Variants in PRKG1 observed in about 807,000 individuals in gnomAD.
PRKG1 encodes the protein cGMP-dependent protein kinase 1.
A neutral mutation model predicts 88.1 loss-of-function variants in PRKG1; 35 were observed. That is an observed-to-expected ratio of 0.40 (90% CI 0.30 to 0.53). The LOEUF (loss-of-function observed/expected upper bound fraction) is 0.53. Ranked by LOEUF, PRKG1 falls within the 20% of genes least tolerant of loss-of-function variation. The pLI is 0.59. For synonymous variants in PRKG1, 303 were observed against 292.5 expected (o/e 1.04, Z -0.37); for missense variants, 540 against 839.8 (o/e 0.64, Z 4.41).
At chr10:51,370,510 G>A (rs10997201) in intron 2 of PRKG1, among the ~76,000 whole-genome samples, 3,777 of 91,778 alleles carry the variant, frequency 0.041, 55 homozygotes, top group South Asian at 0.072. Flanking sequence ...GTGTGTGTGT[G>A]TATGTGTGTG....
intron 3 of PRKG1, among the ~76,000 whole-genome samples, chr10:51,689,073 CCTT>C (rs1300607340): frequency 6.6e-6 from 1 of 152,176 alleles, no homozygotes; most frequent in African/African-American, 2.4e-5. Context: ...ACTTGCTCCT[CCTT>C]GCATTCCGCC....
At chr10:52,244,977 T>TA (rs1001347015) in intron 9 of PRKG1, among the ~76,000 whole-genome samples, 1 of 146,078 alleles carries the variant, frequency 6.8e-6, no homozygotes, top group East Asian at 2.0e-4. Flanking sequence ...TTAAAAATAT[T>TA]AAAAATATAA....
chr10:51,743,849 A>T (rs1015444789), intron 3 of PRKG1, among the ~76,000 whole-genome samples: 1 of 148,602 alleles, frequency 6.7e-6, no homozygotes. Flanking sequence ...TAACAGAAAG[A>T]CTTGGGATTT....
At chr10:51,960,187 G>A (rs1453978309) in intron 5 of PRKG1, among the ~76,000 whole-genome samples, 1 of 150,420 alleles carries the variant, frequency 6.6e-6, no homozygotes, top group Non-Finnish European at 1.5e-5. Context: ...AAATTATTTT[G>A]GATGGGTACC....
intron 3 of PRKG1, among the ~76,000 whole-genome samples, chr10:51,628,160 CTTTATTTATTTCTTTT>C (rs1839421975): frequency 2.0e-5 from 1 of 51,188 alleles, no homozygotes; most frequent in African/African-American, 7.1e-5. Flanking sequence ...TTCTTTCTTT[CTTTATTTATTTCTTTT>C]CTTTCTTTTC....
intron 5 of PRKG1, among the ~76,000 whole-genome samples, chr10:51,922,840 T>C (rs899785579): frequency 6.6e-6 from 1 of 152,046 alleles, no homozygotes; most frequent in Non-Finnish European, 1.5e-5. Context: ...GAATGTTCCA[T>C]GTAAACCTGA....
chr10:52,117,015 G>A (rs1262572421), intron 7 of PRKG1, among the ~76,000 whole-genome samples: 2 of 152,000 alleles, frequency 1.3e-5, no homozygotes, highest in African/African-American at 4.8e-5. Flanking sequence ...TAATGTAGTG[G>A]TTAATGCACC....
chr10:51,789,378 C>G (rs141722846), intron 3 of PRKG1, among the ~76,000 whole-genome samples: 1 of 152,142 alleles, frequency 6.6e-6, no homozygotes, highest in Non-Finnish European at 1.5e-5. Flanking sequence ...AGCTTTTGAC[C>G]GAATCTCAAA....
At chr10:51,830,657 G>A (rs750129398) in intron 4 of PRKG1, among the ~76,000 whole-genome samples, 31 of 150,094 alleles carry the variant, frequency 2.1e-4, no homozygotes, top group Non-Finnish European at 3.5e-4. Context: ...TTTCTCCAGG[G>A]CTCAAGTAAT....
At chr10:51,957,447 A>T (rs574834016) in intron 5 of PRKG1, among the ~76,000 whole-genome samples, 8 of 151,794 alleles carry the variant, frequency 5.3e-5, no homozygotes, top group Admixed American at 5.3e-4. Context: ...TCATGCCACC[A>T]TGCACGGCTA....
At chr10:51,569,744 AC>A (rs977636602) in intron 3 of PRKG1, among the ~76,000 whole-genome samples, 11 of 152,102 alleles carry the variant, frequency 7.2e-5, no homozygotes, top group South Asian at 4.2e-4. Flanking sequence ...CATTGGGTAA[AC>A]CATGTCATTC....
At chr10:51,898,126 G>T (rs1841896799) in intron 4 of PRKG1, among the ~76,000 whole-genome samples, 1 of 152,022 alleles carries the variant, frequency 6.6e-6, no homozygotes, top group Non-Finnish European at 1.5e-5. Context: ...TGTTCACTCT[G>T]CCTGGATGCT....
chr10:51,309,208 G>A (rs1007310070), intron 2 of PRKG1, among the ~76,000 whole-genome samples: 1 of 152,068 alleles, frequency 6.6e-6, no homozygotes, highest in Non-Finnish European at 1.5e-5. Context: ...GAGATAAGAG[G>A]CAATATCTTA....
At chr10:51,487,428 T>C (rs1381025167) in intron 3 of PRKG1, among the ~76,000 whole-genome samples, 1 of 152,082 alleles carries the variant, frequency 6.6e-6, no homozygotes, top group Non-Finnish European at 1.5e-5. Flanking sequence ...AACTCTATAG[T>C]CAAATAAATA....
intron 2 of PRKG1, among the ~76,000 whole-genome samples, chr10:51,416,133 C>T (rs968773065): frequency 6.6e-6 from 1 of 152,088 alleles, no homozygotes; most frequent in African/African-American, 2.4e-5. Context: ...CACTTGTTAA[C>T]TTCTCAAGTT....
intron 3 of PRKG1, among the ~76,000 whole-genome samples, chr10:51,526,765 TACCAG>T (rs1841895542): frequency 2.0e-5 from 3 of 152,198 alleles, no homozygotes; most frequent in Non-Finnish European, 4.4e-5. Context: ...CTTTCTCTCC[TACCAG>T]CTCGGCCATG....
intron 3 of PRKG1, among the ~76,000 whole-genome samples, chr10:51,763,555 A>G (rs1838078874): frequency 6.6e-6 from 1 of 151,450 alleles, no homozygotes; most frequent in Non-Finnish European, 1.5e-5. Context: ...ACCCAGCCAC[A>G]TTATATATTT....
At chr10:51,973,896 A>G (rs1164245692) in intron 5 of PRKG1, among the ~76,000 whole-genome samples, 1 of 152,160 alleles carries the variant, frequency 6.6e-6, no homozygotes, top group Non-Finnish European at 1.5e-5. Flanking sequence ...AGGAGCTAAG[A>G]AGGAATTTTA....
intron 5 of PRKG1, among the ~76,000 whole-genome samples, chr10:51,995,623 T>C (rs556403226): frequency 6.6e-6 from 1 of 152,228 alleles, no homozygotes; most frequent in East Asian, 1.9e-4. Context: ...ACACATTACC[T>C]ACATAAAGGA....
Sources: gnomAD v4.1 joint callset for allele counts (sites outside exome capture counted in the v4.1 genomes callset) on GRCh38, gnomAD v4.1.1 for gene constraint, MANE v1.5 for transcripts, NCBI Gene and HGNC (gene_info 2026-07-23, HGNC 2026-07-21) for gene names.